MANEA: variants seen among roughly 807,000 people sequenced by gnomAD.
MANEA encodes the protein glycoprotein endo-alpha-1,2-mannosidase.
In MANEA, 25 loss-of-function variants were observed where a neutral mutation model predicts 36.8. The ratio of observed to expected loss-of-function variants is 0.68; its 90% CI spans 0.50 to 0.95. The LOEUF (loss-of-function observed/expected upper bound fraction) is 0.95, where lower values mean the gene tolerates loss of function less well. Among genes scored for constraint, MANEA ranks in the 40% least tolerant of loss-of-function variants. MANEA has a pLI of 0.00. For missense variants in MANEA, 565 were observed against 558.8 expected, an observed-to-expected ratio of 1.01 and a Z score of -0.11; for synonymous variants, 198 against 188.5, an observed-to-expected ratio of 1.05 and a Z score of -0.41.
chr6:95,586,818 G>A lies in MANEA; in HGVS notation c.379G>A (p.Val127Met), dbSNP rs1014917398. 1.2e-6 allele frequency: 2 copies of A among 1,613,534 alleles called. No individual in the cohort carries two copies. The highest frequency in any genetic ancestry group is 1.7e-6 in the Non-Finnish European group (2 of 1,179,504). ...TAAATATATACATTGGAATCATCCAGTGTTAGAGCATTGGGACCCTAGAAT... is the reference window on the plus strand; with the variant it reads ...TAAATATATACATTGGAATCATCCAATGTTAGAGCATTGGGACCCTAGAAT... ...DGKYIHWNHP[V>M]LEHWDPRIAK... is the part of the protein sequence containing the mutation. Residue 127 changes from valine to methionine, a missense_variant, in exon 2 of 5, where the codon GTG (valine) becomes ATG (methionine). Val to Met is a conservative substitution (Grantham distance 21). Transcript: ENST00000358812.
intron 1 of MANEA, 118 bp from the exon 2 acceptor site, chr6:95,586,284 T>G (rs760726375): frequency 1.8e-5 from 11 of 618,866 alleles, no homozygotes; most frequent in Non-Finnish European, 2.8e-5. Context: ...CAATATGTGA[T>G]GAAATCAGTA....
At chr6:95,602,864 C>CAAA (rs1172039018) in intron 3 of MANEA, among the ~76,000 whole-genome samples, 1 of 149,858 alleles carries the variant, frequency 6.7e-6, no homozygotes, top group African/African-American at 2.5e-5. Context: ...ACTAAAAATA[C>CAAA]AAAAAATTAG....
At chr6:95,597,344 A>G (rs74857276) in intron 3 of MANEA, among the ~76,000 whole-genome samples, 1 of 152,026 alleles carries the variant, frequency 6.6e-6, no homozygotes, top group Admixed American at 6.6e-5. Flanking sequence ...GTGTGTTGCA[A>G]ATGAGGGAAC....
chr6:95,588,275 A>G (rs1183058649), intron 2 of MANEA: 2 of 152,106 alleles, frequency 1.3e-5, no homozygotes, highest in African/African-American at 2.4e-5. Context: ...TGGATTCACC[A>G]TGGAGCTGAT....
In MANEA at chr6:95,586,512, G is replaced by A; in HGVS notation, c.73G>A (p.Gly25Ser). The A allele has an allele frequency of 6.2e-7, 1 of 1,613,746 alleles. No homozygotes were observed. ...TCTATTTATTTTCTCTCTGATGATGGGTTTAAAAATGCTGAGACCAAATAC... is the reference window on the plus strand; with the variant it reads ...TCTATTTATTTTCTCTCTGATGATGAGTTTAAAAATGCTGAGACCAAATAC... Reference protein sequence around the residue: ...FILFIFSLMMGLKMLRPNTAT... With the variant: ...FILFIFSLMMSLKMLRPNTAT... Residue 25 changes from glycine to serine, a missense_variant, in exon 2 of 5, where the codon GGT becomes AGT. By Grantham distance (56) the Gly-to-Ser change is moderately conservative (BLOSUM62 0). Transcript: ENST00000358812.
At chr6:95,585,282 C>T (rs1300988201) in intron 1 of MANEA, among the ~76,000 whole-genome samples, 1 of 152,056 alleles carries the variant, frequency 6.6e-6, no homozygotes, top group East Asian at 1.9e-4. Context: ...TGTTTATAAC[C>T]TCTGTTCAGT....
In MANEA at chr6:95,601,716, A is replaced by ATT. The variant is rs67335804; in HGVS notation, c.655-3084_655-3083dup. 3.7e-3 allele frequency among the ~76,000 whole-genome samples: 238 copies of ATT among 64,978 alleles called. 15 individuals carry two copies. The highest frequency in any genetic ancestry group is 0.013 in the African/African-American group (206 of 15,766). 42.6% of individuals were successfully genotyped at this position (64,978 alleles called of 152,430 possible). On this transcript the variant is annotated intron_variant, in intron 3 of 4. Transcript: ENST00000358812. ...AAAAGAAAATTAGGCAGATTCAGTG[A>ATT]TTTTTTTTTTTTTTTTTTTTTTTTT... is the stretch of plus-strand genomic sequence containing the variant.
intron 1 of MANEA, among the ~76,000 whole-genome samples, chr6:95,579,257 C>T (rs530114874): frequency 6.6e-6 from 1 of 152,178 alleles, no homozygotes; most frequent in African/African-American, 2.4e-5. Context: ...CCTGTAGTCC[C>T]AGCTACTCTG....
intron 1 of MANEA, among the ~76,000 whole-genome samples, chr6:95,579,666 A>C (rs1176515269): frequency 6.6e-6 from 1 of 152,204 alleles, no homozygotes; most frequent in African/African-American, 2.4e-5. Flanking sequence ...TTACATGATA[A>C]AAGCAAATAA....
chr6:95,586,743 T>C lies in MANEA; in HGVS notation c.304T>C (p.Tyr102His). Residue 102 changes from tyrosine (Y) to histidine (H), a missense_variant, in exon 2 of 5, where the codon TAT (tyrosine) becomes CAT (histidine). Coordinates refer to ENST00000358812, the MANE Select transcript of MANEA (RefSeq NM_024641.4). ...GGATGAACTACCACCTCTGAACAAT[T>C]ATCTACATGTATTTTATTACAGTTG... ...NLDELPPLNN[Y>H]LHVFYYSWYG... The C allele has an allele frequency of 6.2e-7, 1 of 1,613,766 alleles. No homozygotes were observed. The highest frequency in any genetic ancestry group is 1.1e-5 in the South Asian group (1 of 91,080).
chr6:95,597,518 A>C (rs189072691), intron 3 of MANEA, among the ~76,000 whole-genome samples: 7 of 152,102 alleles, frequency 4.6e-5, no homozygotes, highest in Non-Finnish European at 1.0e-4. Flanking sequence ...ACATTTTAAA[A>C]ATTGGTCATG....
intron 2 of MANEA, among the ~76,000 whole-genome samples, chr6:95,590,818 CTA>C (rs1260484613): frequency 6.6e-6 from 1 of 152,136 alleles, no homozygotes; most frequent in Non-Finnish European, 1.5e-5. Context: ...CTGATATTCC[CTA>C]TGTTTCCCTC....
At chr6:95,603,264 T>C (rs993651171) in intron 3 of MANEA, among the ~76,000 whole-genome samples, 9 of 152,164 alleles carry the variant, frequency 5.9e-5, no homozygotes, top group Admixed American at 1.3e-4. Context: ...GTGTCCTTTA[T>C]GTATAAAATG....
chr6:95,580,389 A>G (rs1769157552), intron 1 of MANEA, among the ~76,000 whole-genome samples: 1 of 152,212 alleles, frequency 6.6e-6, no homozygotes, highest in Non-Finnish European at 1.5e-5. Flanking sequence ...GCAATCTAGT[A>G]GGTGATATAA....
At chr6:95,589,552 A>G (rs1337517059) in intron 2 of MANEA, among the ~76,000 whole-genome samples, 1 of 152,184 alleles carries the variant, frequency 6.6e-6, no homozygotes, top group Non-Finnish European at 1.5e-5. Context: ...TATGTTTAAA[A>G]TCCAATTATT....
chr6:95,587,005 A>ATATG (rs148967607), intron 2 of MANEA, 22 bp downstream of exon 2: 503,972 of 1,330,272 alleles, frequency 0.38, 81,143 homozygotes, highest in Middle Eastern at 0.46. Flanking sequence ...ATATATATAT[A>ATATG]TGTGTGTTTG....
intron 2 of MANEA, among the ~76,000 whole-genome samples, chr6:95,592,844 A>C (rs1412519712): frequency 6.6e-6 from 1 of 152,198 alleles, no homozygotes; most frequent in Admixed American, 6.5e-5. Context: ...TAACAGAATA[A>C]GAACTCGATT....
Position 95,586,884 on chromosome 6 carries a change from G to T in MANEA, c.445G>T (p.Asp149Tyr). ...ACAAGGGAGACACAACCCTCCAGAT[G>T]ACATTGGCTCCAGCTTTTATCCTGA... ...YPQGRHNPPDDIGSSFYPELG... is the reference protein window; with the variant it reads ...YPQGRHNPPDYIGSSFYPELG... The change falls in exon 2 of 5, where the codon GAC becomes TAC. Residue 149 changes from aspartate to tyrosine, a missense_variant. By Grantham distance (160) the Asp-to-Tyr change is radical. Coordinates refer to ENST00000358812, the MANE Select transcript of MANEA (RefSeq NM_024641.4). The T allele has an allele frequency of 6.2e-7, 1 of 1,613,576 alleles. No homozygotes were observed. The highest frequency in any genetic ancestry group is 1.1e-5 in the South Asian group (1 of 91,068).
Position 95,604,914 on chromosome 6 carries a change from T to G in MANEA, c.731+11T>G, listed in dbSNP as rs770782627. ...GTATATTATAGACAAGTGAGTTTCT[T>G]CAATATTTATAAATATTGTTATATT... On this transcript the variant is annotated intron_variant, in intron 4 of 4. Transcript: ENST00000358812. 9 of 1,073,222 alleles carry G rather than the reference T, an allele frequency of 8.4e-6. No homozygotes were observed. The highest frequency in any genetic ancestry group is 9.3e-6 in the Non-Finnish European group (7 of 755,612). The allele number at this position is 1,073,222 out of a possible 1,614,324, so 66.5% of individuals were successfully genotyped here. A position where few individuals can be genotyped will look rare whatever the true frequency, so the allele number is the denominator to read the frequency against.
Sources: allele counts gnomAD v4.1 joint callset (sites outside exome capture counted in the v4.1 genomes callset), GRCh38; gene constraint gnomAD v4.1.1; transcripts MANE v1.5; gene names NCBI Gene and HGNC (gene_info 2026-07-23, HGNC 2026-07-21).